SLC10A1: variants seen among roughly 807,000 people sequenced by gnomAD.
SLC10A1 encodes the protein solute carrier family 10 member 1, also known as hepatic sodium/bile acid cotransporter.
SLC10A1 carries 36 observed loss-of-function variants against 20.5 expected under a neutral mutation model. The ratio of observed to expected loss-of-function variants is 1.75; its 90% CI spans 1.34 to 2.32. The LOEUF (loss-of-function observed/expected upper bound fraction) is 2.32. SLC10A1 is among the 30% of genes most tolerant of loss of function. The pLI, the probability that SLC10A1 is intolerant of heterozygous loss-of-function variation, is 0.00. For synonymous variants in SLC10A1, 188 were observed against 163.6 expected (o/e 1.15, Z -1.14); for missense variants, 545 against 439.1 (o/e 1.24, Z -2.16).
intron 1 of SLC10A1, among the ~76,000 whole-genome samples, chr14:69,787,923 G>C (rs1298677946): frequency 6.6e-6 from 1 of 152,024 alleles, no homozygotes; most frequent in Non-Finnish European, 1.5e-5. Context: ...AGCCAGGTGT[G>C]GTGGTGTGCA....
At position 69,776,287 on chromosome 14, in the gene SLC10A1, C is replaced by G. The variant is rs1453939350; in HGVS notation, c.1045G>C (p.Ala349Pro). ...CCAGGCCACCAGGGGAAGGGCTAGGCTGTGCAAGGGGAGCAGTCCTCCCCT... is the reference window on the plus strand; with the variant it reads ...CCAGGCCACCAGGGGAAGGGCTAGGGTGTGCAAGGGGAGCAGTCCTCCCCT... Reference protein sequence around the residue: ...YKGEDCSPCTA With the variant: ...YKGEDCSPCTP The change falls in exon 5 of 5, where the codon GCC becomes CCC. Residue 349 changes from alanine (A) to proline (P), a missense_variant. Transcript: ENST00000216540. The G allele has an allele frequency of 6.2e-7, 1 of 1,612,278 alleles. No homozygotes were observed. The highest frequency in any genetic ancestry group is 8.5e-7 in the Non-Finnish European group (1 of 1,179,388).
intron 1 of SLC10A1, among the ~76,000 whole-genome samples, chr14:69,793,583 T>C (rs1594765316): frequency 6.6e-6 from 1 of 152,306 alleles, no homozygotes; most frequent in Middle Eastern, 3.4e-3. Flanking sequence ...ACAGTCTCTA[T>C]GAAGTGGAAA....
intron 4 of SLC10A1, among the ~76,000 whole-genome samples, 163 bp downstream of exon 4, chr14:69,778,170 G>A (rs1021894011): frequency 1.3e-5 from 2 of 152,174 alleles, no homozygotes; most frequent in Non-Finnish European, 2.9e-5. Context: ...AGTAGTCTTG[G>A]ATCTTTAATG....
chr14:69,779,745 G>A (rs1355351599), intron 2 of SLC10A1, among the ~76,000 whole-genome samples: 1 of 152,164 alleles, frequency 6.6e-6, no homozygotes, highest in Non-Finnish European at 1.5e-5. Flanking sequence ...ACTCAGCCAA[G>A]CACAGTTACT....
intron 1 of SLC10A1, among the ~76,000 whole-genome samples, chr14:69,791,653 T>C (rs1417536900): frequency 6.6e-6 from 1 of 152,108 alleles, no homozygotes; most frequent in Non-Finnish European, 1.5e-5. Context: ...ACAAAACTTA[T>C]AAAATTGTAA....
In SLC10A1 at chr14:69,779,272, G is replaced by A. The variant is rs199652119; in HGVS notation, c.656C>T (p.Thr219Ile). Residue 219 changes from threonine (T) to isoleucine (I), a missense_variant, in exon 3 of 5, where the codon ACA becomes ATA. Transcript: ENST00000216540. The part of the protein sequence containing the change: ...NVGKSIMFAM[T>I]PLLIATSSLM... ...GGAGGAGGTGGCAATCAAGAGTGGT[G>A]TCATGGCAAACATGATGCTCTTCCC... The A allele has an allele frequency of 3.7e-6, 6 of 1,613,836 alleles. No individual in the cohort carries two copies. In the Middle Eastern group the frequency reaches 4.9e-4, roughly 133 times the overall value.
chr14:69,783,192 G>A (rs1883637381), intron 2 of SLC10A1, among the ~76,000 whole-genome samples: 1 of 152,168 alleles, frequency 6.6e-6, no homozygotes, highest in African/African-American at 2.4e-5. Flanking sequence ...GCAGCAGACA[G>A]GACTTGCCCT....
intron 2 of SLC10A1, among the ~76,000 whole-genome samples, chr14:69,780,329 A>G (rs1883561225): frequency 6.6e-6 from 1 of 152,210 alleles, no homozygotes; most frequent in Admixed American, 6.5e-5. Context: ...CCAAAATGAT[A>G]AACAGGTATG....
chr14:69,787,482 C>T (rs557925571), intron 1 of SLC10A1, among the ~76,000 whole-genome samples: 16 of 94,030 alleles, frequency 1.7e-4, no homozygotes, highest in Non-Finnish European at 2.9e-4. Flanking sequence ...CCCTCCTCCT[C>T]CCCACAGCCC....
At chr14:69,783,558 C>T (rs1259246503) in intron 2 of SLC10A1, among the ~76,000 whole-genome samples, 4 of 151,958 alleles carry the variant, frequency 2.6e-5, no homozygotes, top group East Asian at 3.9e-4. Flanking sequence ...GAGAAGGGCA[C>T]GTGCAAAGAG....
rs563750058 is a variant in SLC10A1 at position 69,787,199 on chromosome 14, C to T, written c.357-892G>A. Among the ~76,000 whole-genome samples, 37 of 84,748 alleles carry T rather than the reference C, an allele frequency of 4.4e-4. 1 individual carries two copies. In the East Asian group the frequency reaches 4.9e-3, roughly 11 times the overall value. 55.6% of individuals were successfully genotyped at this position (84,748 alleles called of 152,430 possible). A position where few individuals can be genotyped will look rare whatever the true frequency, so the allele number is the denominator to read the frequency against. ...ATATTATTTAAAATAAATTATGACA[C>T]TCAGAGCCTGAATAATATGTCCTTC... is the stretch of plus-strand genomic sequence containing the variant. On this transcript the variant is annotated intron_variant, in intron 1 of 4. Transcript: ENST00000216540.
Position 69,787,110 on chromosome 14 carries a change from C to G in SLC10A1, c.357-803G>C, listed in dbSNP as rs144984651. On this transcript the variant is annotated intron_variant, in intron 1 of 4. Transcript: ENST00000216540. ...TAACCTGGTCAGATTTGCTTTGCATCTTGGATAGTATTCCAGTCCCCAACT... is the reference window on the plus strand; with the variant it reads ...TAACCTGGTCAGATTTGCTTTGCATGTTGGATAGTATTCCAGTCCCCAACT... Among the ~76,000 whole-genome samples, 448 of 152,324 alleles carry G rather than the reference C, an allele frequency of 2.9e-3. 1 individual carries two copies. Among genetic ancestry groups the G allele is most frequent in the African/African-American group, 1.0e-2 (415 of 41,568 alleles).
At chr14:69,784,428 A>G (rs1883665347) in intron 2 of SLC10A1, among the ~76,000 whole-genome samples, 1 of 152,144 alleles carries the variant, frequency 6.6e-6, no homozygotes, top group Non-Finnish European at 1.5e-5. Context: ...GATTCAAATA[A>G]TGGAAACGAA....
intron 2 of SLC10A1, among the ~76,000 whole-genome samples, chr14:69,785,848 A>G (rs1237179615): frequency 6.7e-6 from 1 of 149,554 alleles, no homozygotes; most frequent in African/African-American, 2.5e-5. Context: ...ACCTCAAGTG[A>G]TCCACCCGCC....
chr14:69,784,116 A>C (rs1883658870), intron 2 of SLC10A1, among the ~76,000 whole-genome samples: 1 of 152,194 alleles, frequency 6.6e-6, no homozygotes, highest in African/African-American at 2.4e-5. Context: ...GAGGGACCAG[A>C]TCCTGTGCTG....
rs1003825308 is a variant in SLC10A1 at position 69,776,282 on chromosome 14, C to T, written c.1050G>A (p.Ter350=). 1 of 1,611,796 alleles carries T rather than the reference C, an allele frequency of 6.2e-7. No homozygotes were observed. Among genetic ancestry groups the T allele is most frequent in the Non-Finnish European group, 8.5e-7 (1 of 1,178,996 alleles). ...KGEDCSPCTA[*] Reference sequence around the variant, plus strand: ...AGAATCCAGGCCACCAGGGGAAGGGCTAGGCTGTGCAAGGGGAGCAGTCCT... The same window carrying T: ...AGAATCCAGGCCACCAGGGGAAGGGTTAGGCTGTGCAAGGGGAGCAGTCCT... Residue 350 remains the stop codon, a stop_retained_variant, in exon 5 of 5, where the codon TAG becomes TAA. Transcript: ENST00000216540.
chr14:69,785,863 CT>C (rs1356566971), intron 2 of SLC10A1, among the ~76,000 whole-genome samples: 1 of 151,782 alleles, frequency 6.6e-6, no homozygotes, highest in Non-Finnish European at 1.5e-5. Flanking sequence ...CCCGCCTCAA[CT>C]TCCCAAAGTG....
chr14:69,785,085 A>G (rs781230225), intron 2 of SLC10A1, among the ~76,000 whole-genome samples: 1 of 152,122 alleles, frequency 6.6e-6, no homozygotes, highest in African/African-American at 2.4e-5. Flanking sequence ...GAGATGGTAC[A>G]GGAGGTCAGG....
chr14:69,783,417 A>C (rs2139714867), intron 2 of SLC10A1, among the ~76,000 whole-genome samples: 1 of 152,296 alleles, frequency 6.6e-6, no homozygotes, highest in South Asian at 2.1e-4. Flanking sequence ...CATCTTACTC[A>C]GGCTTAGGAG....
Sources: allele counts gnomAD v4.1 joint callset (sites outside exome capture counted in the v4.1 genomes callset), GRCh38; gene constraint gnomAD v4.1.1; transcripts MANE v1.5; gene names NCBI Gene and HGNC (gene_info 2026-07-23, HGNC 2026-07-21).